Variants in MFSD2B observed in about 807,000 individuals in gnomAD.
MFSD2B encodes MFSD2 lysolipid transporter B, sphingolipid, also known as sphingosine-1-phosphate transporter MFSD2B.
Under a neutral mutation model 58.4 loss-of-function variants are expected in MFSD2B, and 56 were observed. That is an observed-to-expected ratio of 0.96 (90% confidence interval 0.77 to 1.20). The LOEUF (loss-of-function observed/expected upper bound fraction) is 1.20, where lower values mean the gene tolerates loss of function less well. MFSD2B is among the 50% of genes most tolerant of loss of function. MFSD2B has a pLI of 0.00. For missense variants in MFSD2B, 645 were observed against 667.6 expected (o/e 0.97, Z 0.37); for synonymous variants, 287 against 294.4 (o/e 0.97, Z 0.26).
intron 2 of MFSD2B, among the ~76,000 whole-genome samples, chr2:24,014,374 G>A (rs1381567147): frequency 2.0e-5 from 3 of 152,052 alleles, no homozygotes; most frequent in South Asian, 2.1e-4. Context: ...GGCTGGTCTC[G>A]AACTCCTGAT....
rs1469215435 is a variant in MFSD2B at position 24,023,120 on chromosome 2, G to A, written c.1060-10G>A. On this transcript the variant is annotated splice_polypyrimidine_tract_variant and intron_variant, in intron 10 of 13. Coordinates refer to ENST00000338315, the MANE Select transcript of MFSD2B (RefSeq NM_001346880.2). This position sits in a 1 kb window ranked among gnomAD's most constrained non-coding sequence, Gnocchi z 5.0. ...AGGTGGCGGGACAGCTGGTGTGTGT[G>A]TCTCCCCAGGCGATGGTGCCCTTTG... The A allele has an allele frequency of 1.2e-6, 2 of 1,606,586 alleles. No homozygotes were observed. Among genetic ancestry groups the A allele is most frequent in the Admixed American group, 1.7e-5 (1 of 60,006 alleles).
chr2:24,016,822 C>G, intron 3 of MFSD2B, 23 bp from the exon 4 acceptor site: 1 of 1,611,464 alleles, frequency 6.2e-7, no homozygotes. Context: ...GGGGGCCGCT[C>G]CACCTCGGCT....
chr2:24,013,124 C>T, intron 1 of MFSD2B, 161 bp from the exon 2 acceptor site: 1 of 546,964 alleles, frequency 1.8e-6, no homozygotes, highest in Non-Finnish European at 2.9e-6. Context: ...CTCTTCGTCT[C>T]ACTTCCTCTT....
In MFSD2B at chr2:24,017,003, C is replaced by A; in HGVS notation, c.471+35C>A. The A allele has an allele frequency of 6.2e-7, 1 of 1,611,470 alleles. No individual in the cohort carries two copies. The highest frequency in any genetic ancestry group is 8.5e-7 in the Non-Finnish European group (1 of 1,179,648). On this transcript the variant is annotated intron_variant, in intron 4 of 13. Transcript: ENST00000338315. This position sits in a 1 kb window ranked among gnomAD's most constrained non-coding sequence, Gnocchi z 4.8. ...GCCCCTTCCTGGGCCTGTGCTCTGG[C>A]GAAGCCCATTGCTGGCCATGGCCAC...
chr2:24,015,968 C>T (rs1233080087), intron 2 of MFSD2B, among the ~76,000 whole-genome samples, 188 bp from the exon 3 acceptor site: 1 of 152,202 alleles, frequency 6.6e-6, no homozygotes, highest in Non-Finnish European at 1.5e-5. Context: ...AGGGCGGCAG[C>T]ACTCAGCTCC....
chr2:24,013,038 AG>A (rs1034078854), intron 1 of MFSD2B: 38 of 356,994 alleles, frequency 1.1e-4, no homozygotes, highest in Non-Finnish European at 1.8e-4. Flanking sequence ...CGGCTTCAGC[AG>A]GAAGCCCAGG....
intron 1 of MFSD2B, 96 bp from the exon 2 acceptor site, chr2:24,013,189 C>T: frequency 1.5e-6 from 2 of 1,303,542 alleles, no homozygotes; most frequent in Non-Finnish European, 2.0e-6. Context: ...GCCCTGAAGA[C>T]ATCACAGAGA....
rs1709196050 is a variant in MFSD2B, at chr2:24,017,437, T to C, written c.551-21T>C. On this transcript the variant is annotated intron_variant, in intron 5 of 13. Transcript: ENST00000338315. The surrounding 1 kb of genome is among the most constrained non-coding windows in gnomAD (Gnocchi z 4.8). Reference sequence around the variant, plus strand: ...GGACCCCACTCCCTCTCAGTCACCTTAAGTGGCACTCTGTCTCCAGGGATG... The same window carrying C: ...GGACCCCACTCCCTCTCAGTCACCTCAAGTGGCACTCTGTCTCCAGGGATG... 6.3e-7 allele frequency: 1 copy of C among 1,599,188 alleles called. No homozygotes were observed. The highest frequency in any genetic ancestry group is 8.5e-7 in the Non-Finnish European group (1 of 1,172,990).
chr2:24,024,037 C>A lies in MFSD2B; in HGVS notation c.1314-58C>A. 2 of 1,562,726 alleles carry A rather than the reference C, an allele frequency of 1.3e-6. No homozygotes were observed. Among genetic ancestry groups the A allele is most frequent in the Non-Finnish European group, 1.8e-6 (2 of 1,141,690 alleles). ...GGTGGGGTGAGGTGTCGAGTCCCTC[C>A]ACCCAGGGTGCCAGGCTCAGCAGGC... On this transcript the variant is annotated intron_variant, in intron 12 of 13. Coordinates refer to ENST00000338315, the MANE Select transcript of MFSD2B (RefSeq NM_001346880.2). This position sits in a 1 kb window ranked among gnomAD's most constrained non-coding sequence, Gnocchi z 4.3.
At position 24,022,765 on chromosome 2, in the gene MFSD2B, T is replaced by C. The variant is rs1662841993; in HGVS notation, c.979-57T>C. On this transcript the variant is annotated intron_variant, in intron 9 of 13. Transcript: ENST00000338315. The surrounding 1 kb of genome is among the most constrained non-coding windows in gnomAD (Gnocchi z 4.5). ...CAATCTAAAAGCCAAGGCCTTGGGG[T>C]CCCAGGCAAAGGCGCTGGCAGCACG... 3.8e-6 allele frequency: 5 copies of C among 1,321,802 alleles called. No individual in the cohort carries two copies. The highest frequency in any genetic ancestry group is 5.1e-6 in the Non-Finnish European group (5 of 976,520). The allele number at this position is 1,321,802 out of a possible 1,614,324, so 81.9% of individuals were successfully genotyped here.
chr2:24,018,737 G>C (rs898858410), intron 6 of MFSD2B: 2 of 168,736 alleles, frequency 1.2e-5, no homozygotes, highest in African/African-American at 4.8e-5. Flanking sequence ...AAAAAAAGGA[G>C]TTTGAGCATG....
At chr2:24,019,314 G>A (rs568317449) in intron 6 of MFSD2B, among the ~76,000 whole-genome samples, 4 of 152,080 alleles carry the variant, frequency 2.6e-5, no homozygotes, top group East Asian at 3.8e-4. Context: ...TCTAGGGACC[G>A]GGCCCAGCAA....
rs558848549 is a variant in MFSD2B, at chr2:24,017,762, C to T, written c.681+174C>T. Among the ~76,000 whole-genome samples the T allele has an allele frequency of 8.1e-4, 123 of 152,320 alleles. No homozygotes were observed. Among genetic ancestry groups the T allele is most frequent in the African/African-American group, 2.8e-3 (118 of 41,580 alleles). ...TTGAGCAGATGGCCCCCAAATCTAA[C>T]GTCCTCTGCTAAACCTGCCTCCTTC... is the stretch of plus-strand genomic sequence containing the variant. On this transcript the variant is annotated intron_variant, in intron 6 of 13. Transcript: ENST00000338315. This position sits in a 1 kb window ranked among gnomAD's most constrained non-coding sequence, Gnocchi z 4.8.
intron 2 of MFSD2B, among the ~76,000 whole-genome samples, chr2:24,014,238 T>C (rs1709061230): frequency 6.6e-6 from 1 of 152,138 alleles, no homozygotes; most frequent in Non-Finnish European, 1.5e-5. Context: ...GGTCTTGAAC[T>C]CCTGACCTCG....
At chr2:24,018,333 C>T (rs575338489) in intron 6 of MFSD2B, 46 of 172,228 alleles carry the variant, frequency 2.7e-4, no homozygotes, top group African/African-American at 1.0e-3. Flanking sequence ...CTGCTGCCTC[C>T]GCCTCTTACA....
At chr2:24,025,300 G>A in intron 13 of MFSD2B, 132 bp from the exon 14 acceptor site, 1 of 755,996 alleles carries the variant, frequency 1.3e-6, no homozygotes, top group Admixed American at 2.0e-5. Flanking sequence ...ACAGGACTTG[G>A]GAGGGGAGGA....
intron 1 of MFSD2B, among the ~76,000 whole-genome samples, chr2:24,011,792 G>C (rs1463103363): frequency 6.6e-6 from 1 of 152,222 alleles, no homozygotes; most frequent in African/African-American, 2.4e-5. Flanking sequence ...CCTGTAGGGA[G>C]AGGCAGGAAC....
chr2:24,015,915 G>A (rs956219891), intron 2 of MFSD2B, among the ~76,000 whole-genome samples: 4 of 152,244 alleles, frequency 2.6e-5, no homozygotes, highest in African/African-American at 4.8e-5. Context: ...GGGCCCTGGA[G>A]TCCTCTCCGC....
chr2:24,023,575 C>T lies in MFSD2B; in HGVS notation c.1170-8C>T, dbSNP rs771876679. On this transcript the variant is annotated splice_polypyrimidine_tract_variant and splice_region_variant and intron_variant, in intron 11 of 13. Coordinates refer to ENST00000338315, the MANE Select transcript of MFSD2B (RefSeq NM_001346880.2). This position sits in a 1 kb window ranked among gnomAD's most constrained non-coding sequence, Gnocchi z 5.0. ...GCTAGGAGGGCTAACTCCACACCCC[C>T]GCCGCAGGTCCATGCTGCCAGACGT... 1.9e-5 allele frequency: 30 copies of T among 1,612,226 alleles called. No homozygotes were observed. Among genetic ancestry groups the T allele is most frequent in the East Asian group, 1.6e-4 (7 of 44,848 alleles).
Sources: allele counts gnomAD v4.1 joint callset (sites outside exome capture counted in the v4.1 genomes callset), GRCh38; gene constraint gnomAD v4.1.1; non-coding constraint Gnocchi (gnomAD v3.1); transcripts MANE v1.5; gene names NCBI Gene and HGNC (gene_info 2026-07-23, HGNC 2026-07-21).